Variants in CSMD3 observed in about 807,000 individuals in gnomAD.
The protein encoded by CSMD3 is CUB and sushi domain-containing protein 3.
In CSMD3, 177 loss-of-function variants were observed where a neutral mutation model predicts 435.2. The observed-to-expected ratio is 0.41, with a 90% confidence interval of 0.36 to 0.46. The LOEUF is 0.46. Ranked by LOEUF, CSMD3 falls within the 20% of genes least tolerant of loss-of-function variation. CSMD3 has a pLI of 0.34. For synonymous variants in CSMD3, 1,656 were observed against 1,520.5 expected, an observed-to-expected ratio of 1.09 and a Z score of -2.07; for missense variants, 4,265 against 4,504.6, an observed-to-expected ratio of 0.95 and a Z score of 1.52.
chr8:112,295,153 C>T (rs909271008), intron 54 of CSMD3, among the ~76,000 whole-genome samples: 28 of 152,016 alleles, frequency 1.8e-4, no homozygotes, highest in South Asian at 6.2e-4. Flanking sequence ...AATATAGCTA[C>T]GTTACATATG....
intron 5 of CSMD3, among the ~76,000 whole-genome samples, chr8:113,036,949 T>G (rs1215741913): frequency 6.6e-6 from 1 of 152,094 alleles, no homozygotes; most frequent in Non-Finnish European, 1.5e-5. Context: ...CAGGTTGATA[T>G]TAGTAATAAT....
At chr8:112,572,797 A>G (rs1396513805) in intron 24 of CSMD3, among the ~76,000 whole-genome samples, 1 of 152,120 alleles carries the variant, frequency 6.6e-6, no homozygotes, top group Non-Finnish European at 1.5e-5. Flanking sequence ...TGAACGGAGT[A>G]GAAAATCAAG....
intron 3 of CSMD3, among the ~76,000 whole-genome samples, chr8:113,267,833 C>T (rs969266449): frequency 6.6e-6 from 1 of 151,454 alleles, no homozygotes; most frequent in Non-Finnish European, 1.5e-5. Flanking sequence ...AAAGAAAATG[C>T]AAAACTATAC....
intron 8 of CSMD3, 55 bp from the exon 9 acceptor site, chr8:112,947,932 C>T (rs559323948): frequency 4.6e-5 from 35 of 755,710 alleles, no homozygotes; most frequent in South Asian, 2.0e-4. Flanking sequence ...ATTAGAAAAT[C>T]GATGATATTA....
At chr8:113,101,582 G>A (rs2090331716) in intron 4 of CSMD3, among the ~76,000 whole-genome samples, 1 of 151,876 alleles carries the variant, frequency 6.6e-6, no homozygotes, top group South Asian at 2.1e-4. Context: ...CTACACTCCT[G>A]ACACATGGAA....
At chr8:112,324,291 G>A (rs981156020) in intron 45 of CSMD3, among the ~76,000 whole-genome samples, 7 of 151,968 alleles carry the variant, frequency 4.6e-5, no homozygotes, top group Admixed American at 1.3e-4. Context: ...TTAGCATTTA[G>A]TGTTTCATTG....
intron 68 of CSMD3, 137 bp from the exon 69 acceptor site, chr8:112,231,769 A>T: frequency 1.5e-6 from 1 of 656,358 alleles, no homozygotes; most frequent in Non-Finnish European, 2.7e-6. Flanking sequence ...TCCTTTGCAA[A>T]ATATAGCACA....
At chr8:112,919,990 A>C (rs533330720) in intron 10 of CSMD3, among the ~76,000 whole-genome samples, 89 of 152,018 alleles carry the variant, frequency 5.9e-4, no homozygotes, top group African/African-American at 2.0e-3. Context: ...AAAGAGAAGA[A>C]GAGCTAGAGA....
intron 31 of CSMD3, among the ~76,000 whole-genome samples, chr8:112,478,839 A>G (rs1371400015): frequency 6.6e-6 from 1 of 152,082 alleles, no homozygotes; most frequent in Non-Finnish European, 1.5e-5. Flanking sequence ...TTTCTAAATA[A>G]TGTCTTTTAC....
intron 1 of CSMD3, among the ~76,000 whole-genome samples, chr8:113,333,991 C>T (rs141112891): frequency 1.3e-5 from 2 of 151,978 alleles, no homozygotes; most frequent in African/African-American, 4.8e-5. Flanking sequence ...CTAGACATGA[C>T]TTGTTAAATT....
chr8:112,511,049 C>A (rs1823066599), intron 28 of CSMD3, among the ~76,000 whole-genome samples: 1 of 152,030 alleles, frequency 6.6e-6, no homozygotes, highest in Non-Finnish European at 1.5e-5. Context: ...TACAGGCATA[C>A]GTTAGGGATA....
intron 59 of CSMD3, among the ~76,000 whole-genome samples, chr8:112,280,958 C>T (rs1818567922): frequency 6.6e-6 from 1 of 152,098 alleles, no homozygotes; most frequent in Non-Finnish European, 1.5e-5. Flanking sequence ...TCTCTTTCTG[C>T]TGCCAGTTAA....
intron 3 of CSMD3, among the ~76,000 whole-genome samples, chr8:113,214,827 C>T (rs1020068983): frequency 9.9e-5 from 15 of 151,716 alleles, no homozygotes; most frequent in South Asian, 6.2e-4. Context: ...ATAAAGATAT[C>T]TTGAGTCTAG....
intron 6 of CSMD3, among the ~76,000 whole-genome samples, chr8:113,011,967 A>T (rs1405698241): frequency 6.6e-6 from 1 of 151,822 alleles, no homozygotes; most frequent in South Asian, 2.1e-4. Context: ...TTTTTGCTTC[A>T]CAACAAAAAT....
At chr8:112,407,439 G>A (rs1831956950) in intron 34 of CSMD3, among the ~76,000 whole-genome samples, 1 of 151,898 alleles carries the variant, frequency 6.6e-6, no homozygotes. Context: ...CATAACAAAT[G>A]TGATTAAAGA....
At chr8:112,926,930 C>A (rs77085041) in intron 9 of CSMD3, among the ~76,000 whole-genome samples, 3,678 of 152,108 alleles carry the variant, frequency 0.024, 150 homozygotes, top group African/African-American at 0.084. Context: ...CCCTAAGTAG[C>A]AGATGCATAT....
At chr8:112,521,233 T>C (rs930682343) in intron 27 of CSMD3, among the ~76,000 whole-genome samples, 2 of 152,020 alleles carry the variant, frequency 1.3e-5, no homozygotes, top group Non-Finnish European at 1.5e-5. Context: ...CTGCTTTCTT[T>C]AATAGAAAAT....
intron 22 of CSMD3, among the ~76,000 whole-genome samples, chr8:112,596,428 C>T (rs560067408): frequency 2.0e-5 from 3 of 152,180 alleles, no homozygotes; most frequent in African/African-American, 7.2e-5. Context: ...GAGACTTTAA[C>T]ACCCCACTGT....
intron 32 of CSMD3, among the ~76,000 whole-genome samples, chr8:112,445,974 T>C (rs529123359): frequency 2.6e-5 from 4 of 152,348 alleles, no homozygotes; most frequent in African/African-American, 9.6e-5. Context: ...TATTAAAACT[T>C]TTTCTTAAAT....
Sources: allele counts gnomAD v4.1 joint callset (sites outside exome capture counted in the v4.1 genomes callset), GRCh38; gene constraint gnomAD v4.1.1; transcripts MANE v1.5; gene names NCBI Gene and HGNC (gene_info 2026-07-23, HGNC 2026-07-21).